MAPKAP1: variants seen among roughly 807,000 people sequenced by gnomAD.
MAPKAP1 encodes MAPK associated protein 1.
MAPKAP1 carries 20 observed loss-of-function variants against 65.7 expected under a neutral mutation model. The observed-to-expected ratio is 0.30, with a 90% CI of 0.21 to 0.44. The LOEUF (loss-of-function observed/expected upper bound fraction) is 0.44. MAPKAP1 is among the 20% of genes least tolerant of loss of function. The probability of loss-of-function intolerance (pLI) is 1.00; values close to 1 mark genes in which losing one functional copy is unlikely to be tolerated. For missense variants in MAPKAP1, 423 were observed against 648.0 expected (o/e 0.65, Z 3.77); for synonymous variants, 222 against 244.3 (o/e 0.91, Z 0.85).
At chr9:125,585,888 G>C (rs1178775307) in intron 4 of MAPKAP1, among the ~76,000 whole-genome samples, 161 bp from the exon 5 acceptor site, 6 of 152,158 alleles carry the variant, frequency 3.9e-5, no homozygotes, top group African/African-American at 1.4e-4. Context: ...CTAGTTTCAA[G>C]GATTTTTTTT....
chr9:125,667,315 CTA>C (rs1332236477), intron 3 of MAPKAP1, among the ~76,000 whole-genome samples: 1 of 152,102 alleles, frequency 6.6e-6, no homozygotes, highest in Non-Finnish European at 1.5e-5. Context: ...TTGATGTACT[CTA>C]TTCACCGTAT....
chr9:125,645,480 T>C (rs1833697917), intron 4 of MAPKAP1, among the ~76,000 whole-genome samples: 1 of 152,236 alleles, frequency 6.6e-6, no homozygotes, highest in Non-Finnish European at 1.5e-5. Context: ...CTCACGCCTA[T>C]GATCCCAGCA....
chr9:125,585,952 GGTAA>G (rs2131580101), intron 4 of MAPKAP1, among the ~76,000 whole-genome samples: 1 of 152,298 alleles, frequency 6.6e-6, no homozygotes, highest in African/African-American at 2.4e-5. Context: ...CCAGCAGGAA[GGTAA>G]ATGGGCACTA....
chr9:125,698,334 TATAA>T (rs1554845697), intron 1 of MAPKAP1, among the ~76,000 whole-genome samples: 1,179 of 112,204 alleles, frequency 0.011, 38 homozygotes, highest in Admixed American at 0.014. Flanking sequence ...TATATATATA[TATAA>T]AATATATATA....
At chr9:125,618,800 A>G (rs1832816811) in intron 4 of MAPKAP1, among the ~76,000 whole-genome samples, 1 of 152,162 alleles carries the variant, frequency 6.6e-6, no homozygotes, top group Non-Finnish European at 1.5e-5. Context: ...ATTCAAAGAC[A>G]TTTTCATCCA....
At chr9:125,506,730 C>T (rs866705343) in intron 7 of MAPKAP1, among the ~76,000 whole-genome samples, 2 of 152,168 alleles carry the variant, frequency 1.3e-5, no homozygotes, top group African/African-American at 2.4e-5. Context: ...TCTGAACCTC[C>T]GTTTCCTAAT....
intron 7 of MAPKAP1, among the ~76,000 whole-genome samples, chr9:125,519,652 T>TTA (rs146480033): frequency 0.032 from 4,582 of 141,642 alleles, 82 homozygotes; most frequent in South Asian, 0.052. Flanking sequence ...TATATGTCTT[T>TTA]TATATATATA....
intron 4 of MAPKAP1, chr9:125,652,075 C>A (rs1348308063): frequency 1.1e-5 from 13 of 1,237,964 alleles, no homozygotes; most frequent in Non-Finnish European, 1.4e-5. Flanking sequence ...GCCTTTTCCA[C>A]TAAGGGCAAT....
intron 9 of MAPKAP1, among the ~76,000 whole-genome samples, chr9:125,469,351 T>C (rs1853809611): frequency 6.6e-6 from 1 of 150,748 alleles, no homozygotes; most frequent in Non-Finnish European, 1.5e-5. Context: ...TCAATTAACC[T>C]CCCCCCAAAA....
At chr9:125,550,495 T>C (rs1184229929) in intron 6 of MAPKAP1, among the ~76,000 whole-genome samples, 1 of 152,262 alleles carries the variant, frequency 6.6e-6, no homozygotes, top group Non-Finnish European at 1.5e-5. Context: ...TTATCTAAAA[T>C]GTGTGCTTTT....
chr9:125,658,014 G>A (rs1834081276), intron 3 of MAPKAP1, among the ~76,000 whole-genome samples: 1 of 152,118 alleles, frequency 6.6e-6, no homozygotes, highest in Non-Finnish European at 1.5e-5. Context: ...AAGAGAAGGG[G>A]TTAAGGGAGG....
At chr9:125,480,975 G>GAAA (rs536367888) in intron 9 of MAPKAP1, among the ~76,000 whole-genome samples, 2 of 108,674 alleles carry the variant, frequency 1.8e-5, no homozygotes, top group Non-Finnish European at 3.7e-5. Flanking sequence ...CCGTTTCGGG[G>GAAA]AAAAAAAAAA....
chr9:125,585,418 TG>T, intron 5 of MAPKAP1, 136 bp downstream of exon 5: 1 of 853,346 alleles, frequency 1.2e-6, no homozygotes. Flanking sequence ...GCGCGAGACC[TG>T]GTGAGCACCC....
intron 7 of MAPKAP1, among the ~76,000 whole-genome samples, chr9:125,514,145 C>T (rs571338607): frequency 9.9e-5 from 15 of 152,174 alleles, no homozygotes; most frequent in East Asian, 1.9e-4. Flanking sequence ...GGCTTCTGCA[C>T]GTGCCATTCC....
chr9:125,493,741 C>T (rs984337572), intron 8 of MAPKAP1, among the ~76,000 whole-genome samples: 8 of 152,214 alleles, frequency 5.3e-5, no homozygotes, highest in Admixed American at 4.6e-4. Context: ...CATGCCAGCA[C>T]GATGCTCAGC....
intron 4 of MAPKAP1, among the ~76,000 whole-genome samples, chr9:125,591,209 C>T (rs1255998046): frequency 6.6e-6 from 1 of 152,214 alleles, no homozygotes; most frequent in African/African-American, 2.4e-5. Flanking sequence ...ACTGTAAACA[C>T]CAACGCCTTC....
intron 4 of MAPKAP1, among the ~76,000 whole-genome samples, chr9:125,603,733 A>G (rs543361350): frequency 6.6e-6 from 1 of 152,344 alleles, no homozygotes; most frequent in African/African-American, 2.4e-5. Context: ...ATTTTAAATT[A>G]AATTGGATTT....
At chr9:125,567,238 G>A (rs966703954) in intron 5 of MAPKAP1, among the ~76,000 whole-genome samples, 19 of 152,198 alleles carry the variant, frequency 1.2e-4, no homozygotes, top group African/African-American at 4.6e-4. Flanking sequence ...AAATAGAGCT[G>A]GGTAAAATGA....
At chr9:125,486,172 A>T (rs1334880161) in intron 8 of MAPKAP1, among the ~76,000 whole-genome samples, 1 of 152,236 alleles carries the variant, frequency 6.6e-6, no homozygotes, top group Non-Finnish European at 1.5e-5. Context: ...ACGTTACTGC[A>T]TTGAAGGTCT....
Sources: allele counts gnomAD v4.1 joint callset (sites outside exome capture counted in the v4.1 genomes callset), GRCh38; gene constraint gnomAD v4.1.1; transcripts MANE v1.5; gene names NCBI Gene and HGNC (gene_info 2026-07-23, HGNC 2026-07-21).